Variants in KIF1B observed in about 807,000 individuals in gnomAD.
KIF1B encodes kinesin-like protein KIF1B.
A neutral mutation model predicts 241.9 loss-of-function variants in KIF1B; 76 were observed. The ratio of observed to expected loss-of-function variants is 0.31; its 90% CI spans 0.26 to 0.38. The LOEUF is 0.38. KIF1B is among the 10% of genes least tolerant of loss of function. KIF1B has a pLI of 1.00. For synonymous variants in KIF1B, 750 were observed against 796.7 expected (o/e 0.94, Z 0.99); for missense variants, 1,622 against 2,271.4 (o/e 0.71, Z 5.81).
In KIF1B at chr1:10,363,342, C is replaced by T; in HGVS notation, c.4364C>T (p.Pro1455Leu). 6.2e-7 allele frequency: 1 copy of T among 1,610,462 alleles called. No homozygotes were observed. The highest frequency in any genetic ancestry group is 8.5e-7 in the Non-Finnish European group (1 of 1,176,728). ...SLCKMSDTGS[P>L]GMQRRRRKIL... ...TGCAAAATGTCAGACACAGGTAGTC[C>T]AGGTAAGCTCTTGTGGATTGAGGAG... is the stretch of plus-strand genomic sequence containing the variant. Residue 1455 changes from proline to leucine, a missense_variant and splice_region_variant, in exon 41 of 49, where the codon CCA (proline) becomes CTA (leucine). Physicochemically the swap from Pro to Leu is moderately conservative, Grantham distance 98 (BLOSUM62 -3). Coordinates refer to ENST00000676179, the MANE Select transcript of KIF1B (RefSeq NM_001365951.3).
At chr1:10,248,956 G>C (rs943034083) in intron 2 of KIF1B, among the ~76,000 whole-genome samples, 1 of 151,874 alleles carries the variant, frequency 6.6e-6, no homozygotes, top group African/African-American at 2.4e-5. Context: ...TTGAAAAGCA[G>C]CTTGAAAAGG....
At chr1:10,361,661 C>G (rs756350575) in intron 39 of KIF1B, 31 bp from the exon 40 acceptor site, 2 of 1,612,606 alleles carry the variant, frequency 1.2e-6, no homozygotes, top group African/African-American at 2.7e-5. Context: ...TCTGCCTGCA[C>G]TTCATCAGCA....
At chr1:10,247,717 G>T (rs901915573) in intron 2 of KIF1B, among the ~76,000 whole-genome samples, 1 of 152,178 alleles carries the variant, frequency 6.6e-6, no homozygotes, top group African/African-American at 2.4e-5. Context: ...CATGCTTATA[G>T]ATGGACCTAG....
chr1:10,230,759 T>G (rs1328949913), intron 1 of KIF1B: 1 of 152,168 alleles, frequency 6.6e-6, no homozygotes, highest in East Asian at 1.9e-4. Context: ...AGAAGTTACT[T>G]ACTTGGATTC....
chr1:10,380,256 G>A lies in KIF1B; in HGVS notation c.*3669G>A, dbSNP rs1638987841. On this transcript the variant is annotated 3_prime_UTR_variant, in exon 49 of 49. Coordinates refer to ENST00000676179, the MANE Select transcript of KIF1B (RefSeq NM_001365951.3). ...ACTTGCACAGTGGATTGGAGAGAAAGGATTCTCCAGTGTGCACACTCATCG... is the reference window on the plus strand; with the variant it reads ...ACTTGCACAGTGGATTGGAGAGAAAAGATTCTCCAGTGTGCACACTCATCG... 2 of 212,084 alleles carry A rather than the reference G, an allele frequency of 9.4e-6. No homozygotes were observed. Among genetic ancestry groups the A allele is most frequent in the Non-Finnish European group, 9.6e-6 (1 of 104,438 alleles). The allele number at this position is 212,084 out of a possible 1,614,324, so 13.1% of individuals were successfully genotyped here.
chr1:10,262,529 C>T (rs1648209370), intron 5 of KIF1B, among the ~76,000 whole-genome samples: 2 of 152,200 alleles, frequency 1.3e-5, no homozygotes, highest in African/African-American at 4.8e-5. Flanking sequence ...TTAAATAATA[C>T]ATTTGAATTG....
rs1303122096 is a variant in KIF1B at position 10,374,323 on chromosome 1, G to A, written c.4954G>A (p.Glu1652Lys). 6.2e-7 allele frequency: 1 copy of A among 1,614,106 alleles called. No homozygotes were observed. The change falls in exon 46 of 49, where the codon GAA (glutamate) becomes AAA (lysine). Residue 1652 changes from glutamate to lysine, a missense_variant. Physicochemically the swap from Glu to Lys is moderately conservative, Grantham distance 56. Transcript: ENST00000676179. The surrounding 1 kb of genome is among the most constrained non-coding windows in gnomAD (Gnocchi z 4.3). ...RSNSLDQKTP[E>K]ANSRASSPCP... ...AATCTCTCTATTTTAAAGGACCCCAGAAGCCAATTCCCGGGCCTCTAGTCC... is the reference window on the plus strand; with the variant it reads ...AATCTCTCTATTTTAAAGGACCCCAAAAGCCAATTCCCGGGCCTCTAGTCC...
intron 5 of KIF1B, 67 bp from the exon 6 acceptor site, chr1:10,267,313 C>T (rs1489430822): frequency 2.1e-6 from 3 of 1,427,448 alleles, no homozygotes; most frequent in Non-Finnish European, 3.0e-6. Context: ...CAGGCGTGAG[C>T]CACCGCGCCC....
chr1:10,225,831 GA>G (rs2102113712), intron 1 of KIF1B, among the ~76,000 whole-genome samples: 1 of 152,224 alleles, frequency 6.6e-6, no homozygotes, highest in Admixed American at 6.5e-5. Flanking sequence ...CCATTGTGGG[GA>G]GTTCAGTCAT....
In KIF1B at chr1:10,258,503, C is replaced by A. The variant is rs1647929607; in HGVS notation, c.194C>A (p.Pro65His). Residue 65 changes from proline to histidine, a missense_variant, in exon 4 of 49, where the codon CCC (proline) becomes CAC (histidine). Pro to His is a moderately conservative substitution (Grantham distance 77). Coordinates refer to ENST00000676179, the MANE Select transcript of KIF1B (RefSeq NM_001365951.3). ...SYWSHTSPED[P>H]CFASQNRVYN... ...TTTTACTCTTTACAGCCCGAAGATC[C>A]CTGTTTTGCATCTCAAAACCGTGTG... 1 of 1,613,750 alleles carries A rather than the reference C, an allele frequency of 6.2e-7. No homozygotes were observed. The highest frequency in any genetic ancestry group is 1.7e-5 in the Admixed American group (1 of 60,004).
chr1:10,218,134 G>A (rs1187274920), intron 1 of KIF1B, among the ~76,000 whole-genome samples: 1 of 152,054 alleles, frequency 6.6e-6, no homozygotes, highest in Non-Finnish European at 1.5e-5. Context: ...ACAGTGTCAT[G>A]GATACTGGCA....
chr1:10,286,752 A>G (rs746881), intron 15 of KIF1B, among the ~76,000 whole-genome samples: 48,365 of 152,116 alleles, frequency 0.32, 7,815 homozygotes, highest in Middle Eastern at 0.36. Flanking sequence ...GCAGACAGAT[A>G]TGACGTGAGA....
rs144618985 is a variant in KIF1B at position 10,239,257 on chromosome 1, G to A, written c.106+6823G>A. ...GCAAAATTATTTCCAATGTCACCACGCAGAGAGAACTACCATTAACATCTG... is the reference window on the plus strand; with the variant it reads ...GCAAAATTATTTCCAATGTCACCACACAGAGAGAACTACCATTAACATCTG... On this transcript the variant is annotated intron_variant, in intron 2 of 48. Transcript: ENST00000676179. Among the ~76,000 whole-genome samples, 9 of 152,194 alleles carry A rather than the reference G, an allele frequency of 5.9e-5. No individual in the cohort carries two copies. The East Asian group carries it at 1.2e-3, about 20-fold the overall frequency.
chr1:10,319,677 T>A (rs1405280589), intron 22 of KIF1B, among the ~76,000 whole-genome samples: 11 of 152,226 alleles, frequency 7.2e-5, no homozygotes, highest in Admixed American at 7.2e-4. Flanking sequence ...CTGGAATTTA[T>A]TGATATATAA....
chr1:10,343,007 G>A (rs1652456991), intron 33 of KIF1B, among the ~76,000 whole-genome samples: 1 of 152,152 alleles, frequency 6.6e-6, no homozygotes, highest in Non-Finnish European at 1.5e-5. Context: ...TCTTGAGATA[G>A]GCACGTGGAA....
At position 10,372,662 on chromosome 1, in the gene KIF1B, AGCT is replaced by A. The variant is rs1390495375; in HGVS notation, c.4946+1402_4946+1404del. On this transcript the variant is annotated intron_variant, in intron 45 of 48. Transcript: ENST00000676179. ...CGCTGCGCGCCAGCTTGGGTGACAG[AGCT>A]GTCACCCAAGCTGGCGCGCAGCGGC... Among the ~76,000 whole-genome samples, 9 of 113,750 alleles carry A rather than the reference AGCT, an allele frequency of 7.9e-5. 1 individual carries two copies. Among genetic ancestry groups the A allele is most frequent in the Non-Finnish European group, 1.4e-4 (8 of 56,600 alleles). The allele number at this position is 113,750 out of a possible 152,430, so 74.6% of individuals were successfully genotyped here.
intron 2 of KIF1B, among the ~76,000 whole-genome samples, chr1:10,252,721 G>T (rs915447040): frequency 6.7e-6 from 1 of 150,332 alleles, no homozygotes; most frequent in South Asian, 2.1e-4. Context: ...CATAAAGACA[G>T]TTTTTTTTTG....
intron 5 of KIF1B, among the ~76,000 whole-genome samples, chr1:10,264,997 C>G (rs1056573404): frequency 6.6e-6 from 1 of 151,682 alleles, no homozygotes; most frequent in African/African-American, 2.4e-5. Context: ...AAGACAAGGT[C>G]TTGCTCTGTT....
Position 10,365,339 on chromosome 1 carries a change from T to C in KIF1B, c.4513-70T>C, listed in dbSNP as rs1569907969. Reference sequence around the variant, plus strand: ...CCCCGCTGCTGCATGTGATCATAGCTTTTCACTTTTCTCTCCTGAGGTCTT... The same window carrying C: ...CCCCGCTGCTGCATGTGATCATAGCCTTTCACTTTTCTCTCCTGAGGTCTT... On this transcript the variant is annotated intron_variant, in intron 42 of 48. Transcript: ENST00000676179. The surrounding 1 kb of genome is among the most constrained non-coding windows in gnomAD (Gnocchi z 4.0). The C allele has an allele frequency of 6.2e-7, 1 of 1,613,964 alleles. No individual in the cohort carries two copies. Among genetic ancestry groups the C allele is most frequent in the East Asian group, 2.2e-5 (1 of 44,890 alleles).
Sources: allele counts gnomAD v4.1 joint callset (sites outside exome capture counted in the v4.1 genomes callset), GRCh38; gene constraint gnomAD v4.1.1; non-coding constraint Gnocchi (gnomAD v3.1); transcripts MANE v1.5; gene names NCBI Gene and HGNC (gene_info 2026-07-23, HGNC 2026-07-21).